The following SEC22C variants were observed in gnomAD, a reference collection of about 807,000 sequenced individuals.
The protein encoded by SEC22C is vesicle-trafficking protein SEC22c.
A neutral mutation model predicts 34.7 loss-of-function variants in SEC22C; 29 were observed. The ratio of observed to expected loss-of-function variants is 0.84; its 90% CI spans 0.62 to 1.14. SEC22C has a LOEUF of 1.14. Among genes scored for constraint, SEC22C ranks in the 50% most tolerant of loss-of-function variants. The pLI, the probability that SEC22C is intolerant of heterozygous loss-of-function variation, is 0.00. For synonymous variants in SEC22C, 117 were observed against 132.8 expected, an observed-to-expected ratio of 0.88 and a Z score of 0.82; for missense variants, 337 against 369.0, an observed-to-expected ratio of 0.91 and a Z score of 0.71.
At chr3:42,556,846 C>T (rs930801659) in intron 5 of SEC22C, among the ~76,000 whole-genome samples, 6 of 152,158 alleles carry the variant, frequency 3.9e-5, no homozygotes, top group African/African-American at 7.2e-5. Flanking sequence ...ACCTCAGCCT[C>T]CTGAGTAGCT....
Position 42,550,336 on chromosome 3 carries a change from G to T in SEC22C, c.*2912C>A, listed in dbSNP as rs1702187799. The stretch of plus-strand genomic sequence containing the variant: ...GGAAAACAAAAGTGCTACAACAACA[G>T]TGAGTCCATGGTGGAGTGAGGATAA... On this transcript the variant is annotated 3_prime_UTR_variant, in exon 7 of 7. Coordinates refer to ENST00000264454, the MANE Select transcript of SEC22C (RefSeq NM_032970.4). 2 of 985,450 alleles carry T rather than the reference G, an allele frequency of 2.0e-6. No individual in the cohort carries two copies. The highest frequency in any genetic ancestry group is 4.7e-5 in the South Asian group (1 of 21,286). The allele number at this position is 985,450 out of a possible 1,614,324, so 61.0% of individuals were successfully genotyped here.
At chr3:42,557,997 GC>G (rs1362514899) in intron 4 of SEC22C, among the ~76,000 whole-genome samples, 1 of 152,178 alleles carries the variant, frequency 6.6e-6, no homozygotes, top group East Asian at 1.9e-4. Context: ...TCAACCAGGG[GC>G]AATCTGCCCC....
At chr3:42,581,268 T>C (rs1481834241) in intron 1 of SEC22C, 1 of 152,224 alleles carries the variant, frequency 6.6e-6, no homozygotes, top group Non-Finnish European at 1.5e-5. Flanking sequence ...ACCAATTACT[T>C]TTCACACTGG....
At chr3:42,582,343 G>GT (rs1170048361), upstream of SEC22C, 1 of 152,348 alleles carries the variant, frequency 6.6e-6, no homozygotes, top group Non-Finnish European at 1.5e-5. Flanking sequence ...CGCCCGGGGC[G>GT]TATGTTCTGC....
At chr3:42,591,201 CT>C (rs71616053) in intron 1 of SEC22C, 32,037 of 478,200 alleles carry the variant, frequency 0.067, no homozygotes, top group Middle Eastern at 0.094. Flanking sequence ...CCTTTCTCTC[CT>C]TTTTTTTTTT....
chr3:42,580,107 T>C (rs746996303), intron 1 of SEC22C, among the ~76,000 whole-genome samples: 6 of 152,198 alleles, frequency 3.9e-5, no homozygotes, highest in Non-Finnish European at 8.8e-5. Context: ...ATGTCATAGA[T>C]TATCTCTGTT....
intron 1 of SEC22C, among the ~76,000 whole-genome samples, chr3:42,596,437 G>A (rs1338536253): frequency 6.6e-6 from 1 of 152,198 alleles, no homozygotes; most frequent in African/African-American, 2.4e-5. Flanking sequence ...CACTCTAAAA[G>A]GCTGAACCCC....
chr3:42,598,893 A>G (rs77291243), intron 1 of SEC22C, among the ~76,000 whole-genome samples: 4,949 of 137,862 alleles, frequency 0.036, 144 homozygotes, highest in South Asian at 0.12. Context: ...TTAAAATGGC[A>G]ACTTTCACAT....
intron 1 of SEC22C, among the ~76,000 whole-genome samples, chr3:42,578,690 T>G (rs1196475606): frequency 6.6e-6 from 1 of 152,202 alleles, no homozygotes; most frequent in Non-Finnish European, 1.5e-5. Context: ...TGCAAATTCC[T>G]GCAACTATAA....
At chr3:42,572,763 A>G (rs1703724156) in intron 1 of SEC22C, among the ~76,000 whole-genome samples, 1 of 152,230 alleles carries the variant, frequency 6.6e-6, no homozygotes. Flanking sequence ...TGGCTATACT[A>G]AGAACCAGAA....
upstream of SEC22C, among the ~76,000 whole-genome samples, chr3:42,585,480 T>A (rs1040920429): frequency 1.3e-5 from 2 of 152,228 alleles, no homozygotes; most frequent in Admixed American, 1.3e-4. Context: ...GTCCTTCTGC[T>A]ATTCTCTGAA....
chr3:42,591,578 G>C (rs761148932), intron 1 of SEC22C: 1 of 1,613,990 alleles, frequency 6.2e-7, no homozygotes, highest in Non-Finnish European at 8.5e-7. Flanking sequence ...ATCAGAACAA[G>C]GGCCGCGGGA....
At chr3:42,563,994 G>A (rs949442592) in intron 2 of SEC22C, 23 of 1,219,588 alleles carry the variant, frequency 1.9e-5, no homozygotes, top group South Asian at 4.4e-5. Context: ...TTGAGAAAAC[G>A]TTTTTCTTCT....
Position 42,549,403 on chromosome 3 carries a change from G to A in SEC22C, c.*3845C>T, listed in dbSNP as rs1351421394. 6 of 985,538 alleles carry A rather than the reference G, an allele frequency of 6.1e-6. No homozygotes were observed. Among genetic ancestry groups the A allele is most frequent in the African/African-American group, 1.7e-5 (1 of 57,254 alleles). 61.0% of individuals were successfully genotyped at this position (985,538 alleles called of 1,614,324 possible). On this transcript the variant is annotated 3_prime_UTR_variant, in exon 7 of 7. Coordinates refer to ENST00000264454, the MANE Select transcript of SEC22C (RefSeq NM_032970.4). Reference sequence around the variant, plus strand: ...AGCAGCCCTGGCTACAAGGTGCAGTGTGCAACCCCCATATGCCAAGGGGCA... The same window carrying A: ...AGCAGCCCTGGCTACAAGGTGCAGTATGCAACCCCCATATGCCAAGGGGCA...
Position 42,551,102 on chromosome 3 carries a change from C to T in SEC22C, c.*2146G>A, listed in dbSNP as rs1037741767. 82 of 980,166 alleles carry T rather than the reference C, an allele frequency of 8.4e-5. No homozygotes were observed. The highest frequency in any genetic ancestry group is 9.5e-5 in the Non-Finnish European group (78 of 825,352). 60.7% of individuals were successfully genotyped at this position (980,166 alleles called of 1,614,324 possible). A position where few individuals can be genotyped will look rare whatever the true frequency, so the allele number is the denominator to read the frequency against. ...CAGGATGGTCTCGATCTCTTGACCT[C>T]GTGATCTGCCCACCTCAGCTTCCCA... On this transcript the variant is annotated 3_prime_UTR_variant, in exon 7 of 7. Coordinates refer to ENST00000264454, the MANE Select transcript of SEC22C (RefSeq NM_032970.4).
Position 42,549,607 on chromosome 3 carries a change from T to C in SEC22C, c.*3641A>G. On this transcript the variant is annotated 3_prime_UTR_variant, in exon 7 of 7. Coordinates refer to ENST00000264454, the MANE Select transcript of SEC22C (RefSeq NM_032970.4). ...TGACTCCCAGGCATGGGTGGGAGAGTTGAACCTCAATGCAATCTGCTCCCA... is the reference window on the plus strand; with the variant it reads ...TGACTCCCAGGCATGGGTGGGAGAGCTGAACCTCAATGCAATCTGCTCCCA... 2.0e-6 allele frequency: 2 copies of C among 984,640 alleles called. No individual in the cohort carries two copies. The highest frequency in any genetic ancestry group is 2.4e-6 in the Non-Finnish European group (2 of 829,866). The allele number at this position is 984,640 out of a possible 1,614,324, so 61.0% of individuals were successfully genotyped here.
upstream of SEC22C, among the ~76,000 whole-genome samples, chr3:42,585,773 G>A (rs1704590352): frequency 6.6e-6 from 1 of 152,170 alleles, no homozygotes; most frequent in Non-Finnish European, 1.5e-5. Context: ...AAGTGCTGCT[G>A]GACAAAATCT....
chr3:42,571,184 G>T (rs932120713), intron 1 of SEC22C, among the ~76,000 whole-genome samples: 1 of 152,146 alleles, frequency 6.6e-6, no homozygotes, highest in Non-Finnish European at 1.5e-5. Context: ...ATTTCCAAGC[G>T]ATGGTAATCA....
intron 1 of SEC22C, among the ~76,000 whole-genome samples, chr3:42,596,800 A>G (rs562571085): frequency 3.5e-4 from 54 of 152,340 alleles, no homozygotes; most frequent in African/African-American, 1.3e-3. Context: ...AGAGAGATCA[A>G]AGTGATTTGT....
Sources: gnomAD v4.1 joint callset for allele counts (sites outside exome capture counted in the v4.1 genomes callset) on GRCh38, gnomAD v4.1.1 for gene constraint, MANE v1.5 for transcripts, NCBI Gene and HGNC (gene_info 2026-07-23, HGNC 2026-07-21) for gene names.